Variants in CARMIL1 observed in about 807,000 individuals in gnomAD.
The protein encoded by CARMIL1 is capping protein regulator and myosin 1 linker 1.
In CARMIL1, 90 loss-of-function variants were observed where a neutral mutation model predicts 177.1. That is an observed-to-expected ratio of 0.51 (90% CI 0.43 to 0.61). The LOEUF (loss-of-function observed/expected upper bound fraction) is 0.61. CARMIL1 is among the 20% of genes least tolerant of loss of function. The probability of loss-of-function intolerance (pLI) is 0.00; values close to 1 mark genes in which losing one functional copy is unlikely to be tolerated. For missense variants in CARMIL1, 1,380 were observed against 1,667.0 expected (o/e 0.83, Z 3.00); for synonymous variants, 577 against 606.2 (o/e 0.95, Z 0.71).
Position 25,515,962 on chromosome 6 carries a change from G to T in CARMIL1, c.1805+115G>T. On this transcript the variant is annotated intron_variant, in intron 21 of 36. Coordinates refer to ENST00000329474, the MANE Select transcript of CARMIL1 (RefSeq NM_017640.6). This position sits in a 1 kb window ranked among gnomAD's most constrained non-coding sequence, Gnocchi z 5.0. ...CCTGGGCTTCCCATGAGGCCATCTT[G>T]AGGAGAAGAGGTGACAATGTCAAGA... The T allele has an allele frequency of 1.0e-6, 1 of 971,988 alleles. No individual in the cohort carries two copies. Among genetic ancestry groups the T allele is most frequent in the South Asian group, 2.1e-5 (1 of 48,686 alleles). The allele number at this position is 971,988 out of a possible 1,614,324, so 60.2% of individuals were successfully genotyped here. A position where few individuals can be genotyped will look rare whatever the true frequency, so the allele number is the denominator to read the frequency against.
intron 8 of CARMIL1, among the ~76,000 whole-genome samples, chr6:25,451,086 A>G (rs966963510): frequency 7.2e-6 from 1 of 138,702 alleles, no homozygotes; most frequent in Non-Finnish European, 1.5e-5. Context: ...GAATTGTTTT[A>G]TAAGAGGAAT....
chr6:25,453,496 C>T (rs1037535107), intron 8 of CARMIL1, among the ~76,000 whole-genome samples: 3 of 152,198 alleles, frequency 2.0e-5, no homozygotes, highest in African/African-American at 7.2e-5. Context: ...TTTGAACTTA[C>T]TTCTCATTCT....
In CARMIL1 at chr6:25,600,590, T is replaced by A; in HGVS notation, c.3396T>A (p.Phe1132Leu). The change falls in exon 33 of 37, where the codon TTT becomes TTA. Residue 1132 changes from phenylalanine to leucine, a missense_variant. Physicochemically the swap from Phe to Leu is conservative, Grantham distance 22. Coordinates refer to ENST00000329474, the MANE Select transcript of CARMIL1 (RefSeq NM_017640.6). ...AGGAGATAAAAACACCTGACTCCTT[T>A]GAAGAGAGTCAAGGGGAAGAAATAG... The part of the protein sequence containing the change: ...RIEEIKTPDS[F>L]EESQGEEIGK... The A allele has an allele frequency of 6.2e-7, 1 of 1,613,912 alleles. No homozygotes were observed. The highest frequency in any genetic ancestry group is 8.5e-7 in the Non-Finnish European group (1 of 1,179,880).
chr6:25,464,952 A>G (rs922263185), intron 8 of CARMIL1, among the ~76,000 whole-genome samples: 30 of 151,918 alleles, frequency 2.0e-4, no homozygotes, highest in African/African-American at 6.8e-4. Flanking sequence ...GCAAAATTGG[A>G]ATGGAGGCAG....
intron 5 of CARMIL1, among the ~76,000 whole-genome samples, chr6:25,444,608 G>A (rs945776459): frequency 3.9e-5 from 6 of 152,170 alleles, no homozygotes; most frequent in African/African-American, 1.4e-4. Flanking sequence ...CCACCTTTGA[G>A]TGAGAAGATG....
intron 8 of CARMIL1, among the ~76,000 whole-genome samples, chr6:25,460,787 GT>G (rs1213254556): frequency 1.3e-5 from 2 of 152,170 alleles, no homozygotes; most frequent in Non-Finnish European, 2.9e-5. Context: ...TGTATTGTCT[GT>G]TATCTGTAAT....
At chr6:25,611,557 G>C (rs973218304) in intron 36 of CARMIL1, among the ~76,000 whole-genome samples, 2 of 152,234 alleles carry the variant, frequency 1.3e-5, no homozygotes, top group Middle Eastern at 6.8e-3. Context: ...TTTTAAGGAA[G>C]CGTTGAAAAT....
chr6:25,516,462 G>A (rs1004174298), intron 21 of CARMIL1, among the ~76,000 whole-genome samples: 6 of 152,208 alleles, frequency 3.9e-5, no homozygotes, highest in Non-Finnish European at 8.8e-5. Context: ...TGAATGAAGA[G>A]TTAATTCACA....
chr6:25,329,893 C>A (rs1000729577), intron 2 of CARMIL1, among the ~76,000 whole-genome samples: 1 of 152,208 alleles, frequency 6.6e-6, no homozygotes, highest in Non-Finnish European at 1.5e-5. Context: ...AGTTCCCAGT[C>A]TGGGCATCAG....
intron 1 of CARMIL1, among the ~76,000 whole-genome samples, chr6:25,284,485 G>A (rs562195769): frequency 2.0e-5 from 3 of 152,300 alleles, no homozygotes; most frequent in Non-Finnish European, 2.9e-5. Flanking sequence ...CAAGGCAGGC[G>A]GATCACTTGA....
At chr6:25,459,234 C>CT (rs1159358816) in intron 8 of CARMIL1, among the ~76,000 whole-genome samples, 1 of 90,016 alleles carries the variant, frequency 1.1e-5, no homozygotes, top group Non-Finnish European at 2.2e-5. Context: ...TTCTTTCTTT[C>CT]TTTCTTTCTT....
chr6:25,358,305 CAT>C (rs966955320), intron 2 of CARMIL1, among the ~76,000 whole-genome samples: 6 of 151,868 alleles, frequency 4.0e-5, no homozygotes, highest in African/African-American at 1.5e-4. Flanking sequence ...TGTTTCTGGT[CAT>C]ATTATGTAGA....
At chr6:25,483,503 C>T (rs1385412932) in intron 12 of CARMIL1, among the ~76,000 whole-genome samples, 1 of 151,700 alleles carries the variant, frequency 6.6e-6, no homozygotes, top group Non-Finnish European at 1.5e-5. Context: ...AAACTGCTAC[C>T]ATCACCCCCA....
rs564995098 is a variant in CARMIL1 at position 25,424,945 on chromosome 6, A to C, written c.190-1556A>C. ...TTAACTCAAAGAAAAACTTTGGCACAGTATTAAAGGGTAGTGAATGAATAT... is the reference window on the plus strand; with the variant it reads ...TTAACTCAAAGAAAAACTTTGGCACCGTATTAAAGGGTAGTGAATGAATAT... On this transcript the variant is annotated intron_variant, in intron 3 of 36. Coordinates refer to ENST00000329474, the MANE Select transcript of CARMIL1 (RefSeq NM_017640.6). 8.5e-5 allele frequency among the ~76,000 whole-genome samples: 13 copies of C among 152,370 alleles called. No individual in the cohort carries two copies. In the East Asian group the frequency reaches 2.5e-3, roughly 29 times the overall value.
At chr6:25,525,455 A>G (rs1807000456) in intron 23 of CARMIL1, among the ~76,000 whole-genome samples, 1 of 152,182 alleles carries the variant, frequency 6.6e-6, no homozygotes, top group Non-Finnish European at 1.5e-5. Flanking sequence ...ATAATATATC[A>G]CTAGTAGATC....
intron 2 of CARMIL1, among the ~76,000 whole-genome samples, chr6:25,340,922 A>AGG (rs1786855852): frequency 6.6e-6 from 1 of 151,896 alleles, no homozygotes; most frequent in Admixed American, 6.6e-5. Context: ...GTGGAAGATA[A>AGG]GGGGTAAGTA....
chr6:25,600,130 A>AAT (rs1815244319), intron 32 of CARMIL1, among the ~76,000 whole-genome samples, 184 bp from the exon 33 acceptor site: 1 of 152,156 alleles, frequency 6.6e-6, no homozygotes, highest in Admixed American at 6.5e-5. Context: ...TTCTCACGTG[A>AAT]ATATGATAAT....
chr6:25,547,095 A>G (rs935684367), intron 26 of CARMIL1, among the ~76,000 whole-genome samples: 2 of 152,076 alleles, frequency 1.3e-5, no homozygotes, highest in African/African-American at 4.8e-5. Flanking sequence ...TAACCGAAAA[A>G]TCTAAAGTAC....
intron 32 of CARMIL1, among the ~76,000 whole-genome samples, chr6:25,599,029 C>T (rs1286452187): frequency 2.0e-5 from 3 of 152,236 alleles, no homozygotes; most frequent in Non-Finnish European, 4.4e-5. Context: ...GATCCTCACT[C>T]AGCTCAGCTG....
Sources: allele counts gnomAD v4.1 joint callset (sites outside exome capture counted in the v4.1 genomes callset), GRCh38; gene constraint gnomAD v4.1.1; non-coding constraint Gnocchi (gnomAD v3.1); transcripts MANE v1.5; gene names NCBI Gene and HGNC (gene_info 2026-07-23, HGNC 2026-07-21).